Variants in ITSN2 observed in about 807,000 individuals in gnomAD.
The protein encoded by ITSN2 is intersectin 2.
In ITSN2, 156 loss-of-function variants were observed where a neutral mutation model predicts 243.7. That is an observed-to-expected ratio of 0.64 (90% CI 0.56 to 0.73). ITSN2 has a LOEUF of 0.73. Among genes scored for constraint, ITSN2 ranks in the 30% least tolerant of loss-of-function variants. The pLI, the probability that ITSN2 is intolerant of heterozygous loss-of-function variation, is 0.00. For missense variants in ITSN2, 1,801 were observed against 1,996.1 expected, an observed-to-expected ratio of 0.90 and a Z score of 1.86; for synonymous variants, 703 against 699.9, an observed-to-expected ratio of 1.00 and a Z score of -0.07.
chr2:24,206,961 C>T (rs1484998805), intron 37 of ITSN2, among the ~76,000 whole-genome samples: 1 of 151,950 alleles, frequency 6.6e-6, no homozygotes, highest in Non-Finnish European at 1.5e-5. Context: ...AGGGGGAGCT[C>T]ACATGGGAAG....
intron 17 of ITSN2, among the ~76,000 whole-genome samples, chr2:24,282,833 T>TC (rs1678964504): frequency 6.6e-6 from 1 of 152,140 alleles, no homozygotes; most frequent in Non-Finnish European, 1.5e-5. Flanking sequence ...AACCATCTTC[T>TC]CCCCGTATGT....
intron 17 of ITSN2, among the ~76,000 whole-genome samples, chr2:24,278,800 T>C (rs1678377826): frequency 6.6e-6 from 1 of 151,966 alleles, no homozygotes; most frequent in Admixed American, 6.6e-5. Flanking sequence ...TACAGGCTCA[T>C]GCCACCACGC....
At position 24,225,007 on chromosome 2, in the gene ITSN2, G is replaced by A. The variant is rs1670886735; in HGVS notation, c.3578-3941C>T. Among the ~76,000 whole-genome samples the A allele has an allele frequency of 6.6e-6, 1 of 152,052 alleles. No individual in the cohort carries two copies. The highest frequency in any genetic ancestry group is 6.5e-5 in the Admixed American group (1 of 15,280). ...ACTTCCAGATGCTCTTACCTCTGAT[G>A]TCAGGGAAAAAATAAAGACACGAGG... On this transcript the variant is annotated intron_variant, in intron 29 of 39. Coordinates refer to ENST00000355123, the MANE Select transcript of ITSN2 (RefSeq NM_006277.3). The surrounding 1 kb of genome is among the most constrained non-coding windows in gnomAD (Gnocchi z 4.2).
intron 1 of ITSN2, among the ~76,000 whole-genome samples, chr2:24,330,868 G>A (rs1298475076): frequency 2.6e-5 from 4 of 151,734 alleles, no homozygotes; most frequent in Middle Eastern, 3.4e-3. Flanking sequence ...GTGGGTTCAC[G>A]CGATTCTCCT....
chr2:24,357,910 C>CT (rs60517474), intron 1 of ITSN2, among the ~76,000 whole-genome samples: 1 of 151,688 alleles, frequency 6.6e-6, no homozygotes, highest in African/African-American at 2.4e-5. Flanking sequence ...GCCCATATAA[C>CT]TTTTTTTTTC....
At chr2:24,336,316 T>C (rs1260953292) in intron 1 of ITSN2, among the ~76,000 whole-genome samples, 1 of 151,990 alleles carries the variant, frequency 6.6e-6, no homozygotes, top group Non-Finnish European at 1.5e-5. Flanking sequence ...CTGTACATTA[T>C]GAATAGAACC....
chr2:24,304,481 T>C (rs1180876845), intron 8 of ITSN2, among the ~76,000 whole-genome samples: 1 of 152,208 alleles, frequency 6.6e-6, no homozygotes, highest in Non-Finnish European at 1.5e-5. Context: ...TTTTAAAATA[T>C]TTTCATTCTA....
Position 24,271,880 on chromosome 2 carries a change from T to C in ITSN2, c.2143A>G (p.Lys715Glu). ...KENLRKEEEE[K>E]QKRLQEEKTQ... is the part of the protein sequence containing the mutation. ...TTTTCTTCCTGGAGTCGCTTTTGTT[T>C]TTCTTCTTCCTCCTTTCTAAGATTT... Residue 715 changes from lysine (K) to glutamate (E), a missense_variant, in exon 19 of 40, where the codon AAA becomes GAA. Physicochemically the swap from Lys to Glu is moderately conservative, Grantham distance 56. This residue lies in a region of ITSN2 where 787 missense variants were observed against 803.9 expected (regional missense o/e 0.98). Transcript: ENST00000355123. 1 of 1,607,008 alleles carries C rather than the reference T, an allele frequency of 6.2e-7. No homozygotes were observed. Among genetic ancestry groups the C allele is most frequent in the Non-Finnish European group, 8.5e-7 (1 of 1,177,838 alleles).
At chr2:24,208,631 AC>A in intron 36 of ITSN2, among the ~76,000 whole-genome samples, 1 of 151,852 alleles carries the variant, frequency 6.6e-6, no homozygotes, top group Admixed American at 6.6e-5. Context: ...GAGCAGCAGC[AC>A]CCCCCGGGTT....
chr2:24,340,150 A>G (rs555045435), intron 1 of ITSN2, among the ~76,000 whole-genome samples: 1 of 152,324 alleles, frequency 6.6e-6, no homozygotes, highest in East Asian at 1.9e-4. Context: ...ATTGCTGTGC[A>G]AGTCATGGAG....
chr2:24,235,252 A>G lies in ITSN2; in HGVS notation c.3577+10877T>C, dbSNP rs144497069. ...ATCTGAAAAGGCTATGTACTGTGTG[A>G]TTCCAATCATATGATATTCTGGGAA... is the stretch of plus-strand genomic sequence containing the variant. On this transcript the variant is annotated intron_variant, in intron 29 of 39. Transcript: ENST00000355123. Among the ~76,000 whole-genome samples, 3 of 152,168 alleles carry G rather than the reference A, an allele frequency of 2.0e-5. No homozygotes were observed. In the East Asian group the frequency reaches 5.8e-4, roughly 29 times the overall value.
At chr2:24,331,406 C>T (rs921127539) in intron 1 of ITSN2, among the ~76,000 whole-genome samples, 2 of 151,502 alleles carry the variant, frequency 1.3e-5, no homozygotes, top group Admixed American at 1.3e-4. Context: ...GTTGTTAGCA[C>T]ACAGAACACT....
intron 2 of ITSN2, among the ~76,000 whole-genome samples, chr2:24,322,913 G>T (rs1010249581): frequency 1.2e-4 from 18 of 151,622 alleles, no homozygotes; most frequent in Non-Finnish European, 2.5e-4. Context: ...CAAAAGATTT[G>T]AACAGACACA....
intron 15 of ITSN2, among the ~76,000 whole-genome samples, chr2:24,293,071 T>C (rs973160503): frequency 6.6e-6 from 1 of 152,236 alleles, no homozygotes; most frequent in Non-Finnish European, 1.5e-5. Context: ...ATTGGTATAG[T>C]ATCCAATACA....
At chr2:24,291,883 G>A (rs1680301909) in intron 15 of ITSN2, among the ~76,000 whole-genome samples, 2 of 152,084 alleles carry the variant, frequency 1.3e-5, no homozygotes, top group African/African-American at 4.8e-5. Context: ...TTGGGTAACT[G>A]GAAAATAAGA....
intron 29 of ITSN2, among the ~76,000 whole-genome samples, chr2:24,223,857 AGAAAG>A (rs1156437387): frequency 6.6e-5 from 1 of 15,058 alleles, no homozygotes; most frequent in Non-Finnish European, 1.2e-4. Flanking sequence ...AAAGAAAGAA[AGAAAG>A]GAAAGAAAGA....
At chr2:24,266,475 G>A (rs1676667052) in intron 20 of ITSN2, among the ~76,000 whole-genome samples, 1 of 152,062 alleles carries the variant, frequency 6.6e-6, no homozygotes, top group Non-Finnish European at 1.5e-5. Flanking sequence ...ATTACATCAT[G>A]AATGAAATAT....
chr2:24,254,397 G>T lies in ITSN2; in HGVS notation c.2923C>A (p.Pro975Thr), dbSNP rs754418665. 3.1e-6 allele frequency: 5 copies of T among 1,612,500 alleles called. No individual in the cohort carries two copies. In the Admixed American group the frequency reaches 6.7e-5, roughly 21 times the overall value. ...CCAACTGAATAGGCTGCCGAGGTAG[G>T]TTTCTTATTTACAGCTGCATACAAA... ...EALYAAVNKKPTSAAYSVGEE... is the reference protein window; with the variant it reads ...EALYAAVNKKTTSAAYSVGEE... Residue 975 changes from proline to threonine, a missense_variant, in exon 24 of 40, where the codon CCT (proline) becomes ACT (threonine). Around this residue, in one of 5 missense-constraint regions of ITSN2, gnomAD observed 928 missense variants for 1,065.4 expected, o/e 0.87. Coordinates refer to ENST00000355123, the MANE Select transcript of ITSN2 (RefSeq NM_006277.3).
intron 1 of ITSN2, chr2:24,330,714 G>C (rs937039996): frequency 1.6e-6 from 1 of 632,462 alleles, no homozygotes. Flanking sequence ...TCTGGTGACA[G>C]TAGTTTGAAA....
Sources: allele counts gnomAD v4.1 joint callset (sites outside exome capture counted in the v4.1 genomes callset), GRCh38; gene constraint gnomAD v4.1.1; regional missense constraint gnomAD v4.1.1; non-coding constraint Gnocchi (gnomAD v3.1); transcripts MANE v1.5; gene names NCBI Gene and HGNC (gene_info 2026-07-23, HGNC 2026-07-21).